The following INPP5A variants were observed in gnomAD, a reference collection of about 807,000 sequenced individuals.
The protein encoded by INPP5A is inositol polyphosphate-5-phosphatase A.
A neutral mutation model predicts 65.2 loss-of-function variants in INPP5A; 14 were observed. The observed-to-expected ratio is 0.21, with a 90% CI of 0.14 to 0.34. INPP5A has a LOEUF of 0.34. Among genes scored for constraint, INPP5A ranks in the 10% least tolerant of loss-of-function variants. The probability of loss-of-function intolerance (pLI) is 1.00; values close to 1 mark genes in which losing one functional copy is unlikely to be tolerated. For missense variants in INPP5A, 431 were observed against 545.6 expected (o/e 0.79, Z 2.09); for synonymous variants, 207 against 208.3 (o/e 0.99, Z 0.05).
At chr10:132,691,438 C>T (rs1373376555) in intron 5 of INPP5A, among the ~76,000 whole-genome samples, 3 of 152,208 alleles carry the variant, frequency 2.0e-5, no homozygotes, top group East Asian at 3.9e-4. Context: ...ACGGAGCGGC[C>T]GGCGAGAGTG....
At chr10:132,770,986 A>T (rs1366701185) in intron 12 of INPP5A, among the ~76,000 whole-genome samples, 11 of 152,106 alleles carry the variant, frequency 7.2e-5, no homozygotes, top group Admixed American at 7.2e-4. Flanking sequence ...TGAAAGCTTA[A>T]ATTTTGTCAT....
rs999477231 is a variant in INPP5A at position 132,727,697 on chromosome 10, G to T, written c.732+792G>T. Among the ~76,000 whole-genome samples, 1 of 151,558 alleles carries T rather than the reference G, an allele frequency of 6.6e-6. No individual in the cohort carries two copies. Among genetic ancestry groups the T allele is most frequent in the Admixed American group, 6.6e-5 (1 of 15,234 alleles). ...CCTGGCCCTGCTGCCCTCACCCTCA[G>T]CCTCCCTGGTGGCCCCTCCAGGTGC... On this transcript the variant is annotated intron_variant, in intron 9 of 15. Transcript: ENST00000368594. The surrounding 1 kb of genome is among the most constrained non-coding windows in gnomAD (Gnocchi z 6.5).
intron 4 of INPP5A, among the ~76,000 whole-genome samples, chr10:132,665,356 G>A (rs970614259): frequency 6.6e-6 from 1 of 152,196 alleles, no homozygotes; most frequent in African/African-American, 2.4e-5. Context: ...TTTTCCCCTC[G>A]ATTCTGTGTC....
intron 1 of INPP5A, among the ~76,000 whole-genome samples, chr10:132,543,130 C>T (rs1486237568): frequency 6.6e-6 from 1 of 152,096 alleles, no homozygotes; most frequent in African/African-American, 2.4e-5. Context: ...ATGAGGTGTA[C>T]AATTCACTGG....
chr10:132,726,983 C>A, intron 9 of INPP5A, 78 bp downstream of exon 9: 1 of 938,138 alleles, frequency 1.1e-6, no homozygotes, highest in Non-Finnish European at 1.6e-6. Flanking sequence ...AGCGTGGCCC[C>A]TTACTGGCAC....
intron 6 of INPP5A, among the ~76,000 whole-genome samples, chr10:132,701,707 C>T (rs369175414): frequency 1.3e-5 from 2 of 152,348 alleles, no homozygotes; most frequent in East Asian, 3.9e-4. Context: ...GGAGGGGCCC[C>T]TGAACCTGCT....
chr10:132,749,596 C>T lies in INPP5A; in HGVS notation c.812C>T (p.Ser271Leu), dbSNP rs201214747. The change falls in exon 10 of 16, where the codon TCG becomes TTG. Residue 271 changes from serine to leucine, a missense_variant. Coordinates refer to ENST00000368594, the MANE Select transcript of INPP5A (RefSeq NM_005539.5). The stretch of plus-strand genomic sequence containing the variant: ...GTGGTGAAGCTCATATTTCGTGAGT[C>T]GGACAACGACCGGAAGGTGAGCGGG... Reference protein sequence around the residue: ...NEVVKLIFRESDNDRKVMLQL... With the variant: ...NEVVKLIFRELDNDRKVMLQL... The T allele has an allele frequency of 1.1e-5, 18 of 1,612,964 alleles. 1 individual carries two copies. The highest frequency in any genetic ancestry group is 1.6e-4 in the Middle Eastern group (1 of 6,062).
chr10:132,776,085 C>T (rs1302007170), intron 12 of INPP5A, among the ~76,000 whole-genome samples: 2 of 152,112 alleles, frequency 1.3e-5, no homozygotes, highest in Admixed American at 1.3e-4. Flanking sequence ...CGGTTGGGAT[C>T]AGCTGAGAAG....
intron 3 of INPP5A, among the ~76,000 whole-genome samples, chr10:132,647,756 G>T (rs2072518300): frequency 6.6e-6 from 1 of 152,130 alleles, no homozygotes; most frequent in African/African-American, 2.4e-5. Flanking sequence ...GTGTCCTGTT[G>T]GGAAAAATGA....
At chr10:132,759,176 C>T (rs1312673933) in intron 11 of INPP5A, among the ~76,000 whole-genome samples, 1 of 152,220 alleles carries the variant, frequency 6.6e-6, no homozygotes, top group Non-Finnish European at 1.5e-5. Flanking sequence ...CGTCCACACG[C>T]TCAGAGCCCC....
chr10:132,704,858 T>C lies in INPP5A; in HGVS notation c.475-3455T>C, dbSNP rs1004410375. On this transcript the variant is annotated intron_variant, in intron 6 of 15. Transcript: ENST00000368594. The surrounding 1 kb of genome is among the most constrained non-coding windows in gnomAD (Gnocchi z 4.5). ...GAGTGTGGAGGATGGAGGAAGGGCG[T>C]CTGGACAGGCAGCAGGCAGCTCCTC... 2.0e-4 allele frequency among the ~76,000 whole-genome samples: 29 copies of C among 144,270 alleles called. No individual in the cohort carries two copies. The highest frequency in any genetic ancestry group is 7.4e-4 in the African/African-American group (28 of 37,952). The allele number at this position is 144,270 out of a possible 152,430, so 94.6% of individuals were successfully genotyped here.
chr10:132,681,442 C>T (rs1231878905), intron 4 of INPP5A, among the ~76,000 whole-genome samples: 1 of 152,214 alleles, frequency 6.6e-6, no homozygotes, highest in Non-Finnish European at 1.5e-5. Flanking sequence ...CACGAACCCA[C>T]CAGAAGGAAG....
At chr10:132,560,976 A>G (rs1325229834) in intron 1 of INPP5A, among the ~76,000 whole-genome samples, 2 of 150,444 alleles carry the variant, frequency 1.3e-5, no homozygotes, top group Non-Finnish European at 2.9e-5. Flanking sequence ...CCCTTATTAG[A>G]TAGATATGTA....
At position 132,674,857 on chromosome 10, in the gene INPP5A, T is replaced by C. The variant is rs1265668033; in HGVS notation, c.307-15535T>C. On this transcript the variant is annotated intron_variant, in intron 4 of 15. Coordinates refer to ENST00000368594, the MANE Select transcript of INPP5A (RefSeq NM_005539.5). The surrounding 1 kb of genome is among the most constrained non-coding windows in gnomAD (Gnocchi z 4.4). ...AAGGAGAGTAGTTACCTGCAGAAGA[T>C]GGCAGGGCCTCACTCCAAAATCCTA... 6.6e-6 allele frequency among the ~76,000 whole-genome samples: 1 copy of C among 152,192 alleles called. No homozygotes were observed. The highest frequency in any genetic ancestry group is 1.5e-5 in the Non-Finnish European group (1 of 68,028).
At chr10:132,592,899 G>T (rs1476764124) in intron 1 of INPP5A, among the ~76,000 whole-genome samples, 1 of 151,662 alleles carries the variant, frequency 6.6e-6, no homozygotes, top group Non-Finnish European at 1.5e-5. Flanking sequence ...CTTTGCTCAG[G>T]TCTCACGCGG....
At chr10:132,632,710 C>G (rs993515521) in intron 2 of INPP5A, among the ~76,000 whole-genome samples, 2 of 152,208 alleles carry the variant, frequency 1.3e-5, no homozygotes, top group Non-Finnish European at 2.9e-5. Flanking sequence ...TTATATAAAC[C>G]TGTAATAAAG....
chr10:132,703,502 C>T (rs1845471649), intron 6 of INPP5A, among the ~76,000 whole-genome samples: 1 of 140,462 alleles, frequency 7.1e-6, no homozygotes, highest in Non-Finnish European at 1.5e-5. Flanking sequence ...ACAGTGTCTT[C>T]ACCCACACAC....
chr10:132,698,373 G>A lies in INPP5A; in HGVS notation c.474+454G>A, dbSNP rs1845379526. On this transcript the variant is annotated intron_variant, in intron 6 of 15. Coordinates refer to ENST00000368594, the MANE Select transcript of INPP5A (RefSeq NM_005539.5). This position sits in a 1 kb window ranked among gnomAD's most constrained non-coding sequence, Gnocchi z 5.5. The stretch of plus-strand genomic sequence containing the variant: ...AGCCTTGGTGGTTGTGCCAGGCTGC[G>A]AGCAGCAGGGTCCCGGCAGTTATGC... Among the ~76,000 whole-genome samples, 1 of 152,224 alleles carries A rather than the reference G, an allele frequency of 6.6e-6. No homozygotes were observed. Among genetic ancestry groups the A allele is most frequent in the African/African-American group, 2.4e-5 (1 of 41,466 alleles).
At chr10:132,767,127 C>A (rs1212447564) in intron 12 of INPP5A, among the ~76,000 whole-genome samples, 1 of 97,450 alleles carries the variant, frequency 1.0e-5, no homozygotes, top group Non-Finnish European at 2.0e-5. Flanking sequence ...TGGGTGGGAG[C>A]TGGAGGATGC....
Sources: allele counts gnomAD v4.1 joint callset (sites outside exome capture counted in the v4.1 genomes callset), GRCh38; gene constraint gnomAD v4.1.1; non-coding constraint Gnocchi (gnomAD v3.1); transcripts MANE v1.5; gene names NCBI Gene and HGNC (gene_info 2026-07-23, HGNC 2026-07-21).